Variants in NDRG1 observed in about 807,000 individuals in gnomAD.
The protein encoded by NDRG1 is protein NDRG1.
Under a neutral mutation model 56.9 loss-of-function variants are expected in NDRG1, and 32 were observed. The ratio of observed to expected loss-of-function variants is 0.56; its 90% CI spans 0.42 to 0.76. NDRG1 has a LOEUF of 0.76. Ranked by LOEUF, NDRG1 falls within the 30% of genes least tolerant of loss-of-function variation. The pLI is 0.00. For synonymous variants in NDRG1, 211 were observed against 204.1 expected (o/e 1.03, Z -0.29); for missense variants, 507 against 545.7 (o/e 0.93, Z 0.71).
At chr8:133,294,701 G>C (rs1858642616) in intron 1 of NDRG1, among the ~76,000 whole-genome samples, 1 of 151,972 alleles carries the variant, frequency 6.6e-6, no homozygotes, top group Non-Finnish European at 1.5e-5. Context: ...TCAGTCAAAG[G>C]CCAACTCAGG....
intron 3 of NDRG1, among the ~76,000 whole-genome samples, chr8:133,272,340 G>C (rs1857234877): frequency 6.6e-6 from 1 of 152,230 alleles, no homozygotes; most frequent in African/African-American, 2.4e-5. Context: ...ATGGAGCAGG[G>C]GAGGGCGACA....
At chr8:133,275,041 T>C (rs1857385285) in intron 3 of NDRG1, among the ~76,000 whole-genome samples, 1 of 152,176 alleles carries the variant, frequency 6.6e-6, no homozygotes, top group African/African-American at 2.4e-5. Flanking sequence ...TGCTGACCAG[T>C]CCCCGGGCTG....
Position 133,246,655 on chromosome 8 carries a change from G to A in NDRG1, c.816C>T (p.Cys272=). 2 of 1,614,102 alleles carry A rather than the reference G, an allele frequency of 1.2e-6. No individual in the cohort carries two copies. Among genetic ancestry groups the A allele is most frequent in the Non-Finnish European group, 1.7e-6 (2 of 1,179,994 alleles). The change falls in exon 13 of 16, where the codon TGC becomes TGT. Residue 272 remains cysteine (C), a synonymous_variant. Coordinates refer to ENST00000323851, the MANE Select transcript of NDRG1 (RefSeq NM_006096.4). ...TCTTTGTTGGGTCCAATTTTGAGTT[G>A]CACTCCACCTGCACAAGAGGGAGGA... is the stretch of plus-strand genomic sequence containing the variant. ...SSPAVDAVVE[C]NSKLDPTKTT...
intron 2 of NDRG1, chr8:133,281,148 A>G (rs2930001): frequency 0.58 from 88,395 of 151,812 alleles, 26,664 homozygotes; most frequent in African/African-American, 0.75. Flanking sequence ...ACCTGAGGTC[A>G]GGAGTTCAAG....
At chr8:133,258,851 A>T in intron 6 of NDRG1, 1 of 515,492 alleles carries the variant, frequency 1.9e-6, no homozygotes, top group Non-Finnish European at 3.5e-6. Flanking sequence ...CTAAGGACTC[A>T]GGCAACTCCA....
intron 12 of NDRG1, 82 bp downstream of exon 12, chr8:133,247,793 G>A: frequency 7.0e-7 from 1 of 1,431,426 alleles, no homozygotes; most frequent in South Asian, 1.1e-5. Flanking sequence ...GGAGAGGAGG[G>A]GCAGGCAGGG....
chr8:133,280,090 G>C (rs1857697986), intron 3 of NDRG1, 142 bp downstream of exon 3: 1 of 934,266 alleles, frequency 1.1e-6, no homozygotes, highest in South Asian at 1.4e-5. Flanking sequence ...AGCAGCTGAG[G>C]GTGAGGACCT....
At chr8:133,293,399 T>C (rs1858540394) in intron 1 of NDRG1, among the ~76,000 whole-genome samples, 1 of 152,024 alleles carries the variant, frequency 6.6e-6, no homozygotes, top group African/African-American at 2.4e-5. Flanking sequence ...CCAAGCGCAA[T>C]GTTGGAGGGT....
chr8:133,263,645 A>G (rs2130740272), intron 4 of NDRG1, among the ~76,000 whole-genome samples: 1 of 152,334 alleles, frequency 6.6e-6, no homozygotes, highest in South Asian at 2.1e-4. Flanking sequence ...GCCGGGCCCA[A>G]TGGCTCATGC....
intron 5 of NDRG1, among the ~76,000 whole-genome samples, chr8:133,260,345 C>A (rs911663793): frequency 6.6e-6 from 1 of 152,166 alleles, no homozygotes; most frequent in African/African-American, 2.4e-5. Context: ...GATGCTCCCT[C>A]ACCCCTCCCA....
At chr8:133,268,685 G>A (rs950835608) in intron 3 of NDRG1, among the ~76,000 whole-genome samples, 6 of 152,136 alleles carry the variant, frequency 3.9e-5, no homozygotes, top group Non-Finnish European at 8.8e-5. Flanking sequence ...AAGGTCATAG[G>A]TTTGTGGTGG....
rs1856571054 is a variant in NDRG1 at position 133,259,784 on chromosome 8, A to G, written c.327-554T>C. On this transcript the variant is annotated intron_variant, in intron 5 of 15. Transcript: ENST00000323851. ...GGGTCTGTGAGCAAAGCAGATGCAAACCAGGACAGGAGCCAGCCCTCGAGT... is the reference window on the plus strand; with the variant it reads ...GGGTCTGTGAGCAAAGCAGATGCAAGCCAGGACAGGAGCCAGCCCTCGAGT... Among the ~76,000 whole-genome samples the G allele has an allele frequency of 2.0e-5, 3 of 152,342 alleles. No homozygotes were observed. In the South Asian group the frequency reaches 6.2e-4, roughly 32 times the overall value.
chr8:133,287,555 C>A (rs1858188985), intron 1 of NDRG1, among the ~76,000 whole-genome samples: 1 of 152,248 alleles, frequency 6.6e-6, no homozygotes, highest in Non-Finnish European at 1.5e-5. Flanking sequence ...CAGGCTGCAT[C>A]TGGGCTGTGT....
intron 3 of NDRG1, among the ~76,000 whole-genome samples, chr8:133,278,498 G>C (rs1039370341): frequency 1.3e-5 from 2 of 152,156 alleles, no homozygotes; most frequent in Admixed American, 6.5e-5. Flanking sequence ...AGAGGAACGG[G>C]ATGGAGCTCT....
intron 3 of NDRG1, among the ~76,000 whole-genome samples, chr8:133,268,859 T>C (rs928164728): frequency 2.0e-5 from 2 of 98,436 alleles, no homozygotes; most frequent in Non-Finnish European, 4.1e-5. Context: ...TCCCATCCCC[T>C]AAGTCACACA....
intron 4 of NDRG1, 30 bp downstream of exon 4, chr8:133,264,517 G>A (rs1438248082): frequency 1.2e-6 from 2 of 1,600,574 alleles, no homozygotes; most frequent in South Asian, 1.1e-5. Flanking sequence ...GGAACCGGCT[G>A]ACAGGGAATC....
chr8:133,242,209 C>A, intron 14 of NDRG1, 135 bp from the exon 15 acceptor site: 1 of 856,218 alleles, frequency 1.2e-6, no homozygotes. Context: ...GTTGACAGGA[C>A]AAAACACAAA....
chr8:133,264,642 A>G lies in NDRG1; in HGVS notation c.110T>C (p.Ile37Thr). 1.2e-6 allele frequency: 2 copies of G among 1,614,138 alleles called. No individual in the cohort carries two copies. The highest frequency in any genetic ancestry group is 2.2e-5 in the South Asian group (2 of 91,090). The change falls in exon 4 of 16, where the codon ATC becomes ACC. Residue 37 changes from isoleucine to threonine, a missense_variant. Transcript: ENST00000323851. ...LQEFDVQEQD[I>T]ETLHGSVHVT... ...GTGAACAGAGCCATGTAAAGTCTCG[A>G]TGTCCTGCTCCTGAGGAGACACAGC... is the stretch of plus-strand genomic sequence containing the variant.
rs112835213 is a variant in NDRG1 at position 133,263,246 on chromosome 8, G to T, written c.206-1079C>A. 2.1e-3 allele frequency among the ~76,000 whole-genome samples: 318 copies of T among 152,274 alleles called. 4 individuals carry two copies. The highest frequency in any genetic ancestry group is 0.017 in the Middle Eastern group (5 of 294). On this transcript the variant is annotated intron_variant, in intron 4 of 15. Coordinates refer to ENST00000323851, the MANE Select transcript of NDRG1 (RefSeq NM_006096.4). Reference sequence around the variant, plus strand: ...AAGTGAGATAAAAGAAGGTGAGAATGAAGTGAAAAAGTGTTTTCAGTGGAT... The same window carrying T: ...AAGTGAGATAAAAGAAGGTGAGAATTAAGTGAAAAAGTGTTTTCAGTGGAT...
Sources: gnomAD v4.1 joint callset for allele counts (sites outside exome capture counted in the v4.1 genomes callset) on GRCh38, gnomAD v4.1.1 for gene constraint, MANE v1.5 for transcripts, NCBI Gene and HGNC (gene_info 2026-07-23, HGNC 2026-07-21) for gene names.